The following RNF6 variants were observed in gnomAD, a reference collection of about 807,000 sequenced individuals.
The protein encoded by RNF6 is ring finger protein 6.
A neutral mutation model predicts 50.1 loss-of-function variants in RNF6; 21 were observed. The ratio of observed to expected loss-of-function variants is 0.42; its 90% CI spans 0.30 to 0.60. The LOEUF (loss-of-function observed/expected upper bound fraction) is 0.60, where lower values mean the gene tolerates loss of function less well. RNF6 is among the 20% of genes least tolerant of loss of function. The probability of loss-of-function intolerance (pLI) is 0.20; values close to 1 mark genes in which losing one functional copy is unlikely to be tolerated. For missense variants in RNF6, 698 were observed against 838.2 expected, an observed-to-expected ratio of 0.83 and a Z score of 2.07; for synonymous variants, 255 against 291.8, an observed-to-expected ratio of 0.87 and a Z score of 1.29.
intron 5 of RNF6, among the ~76,000 whole-genome samples, chr13:26,189,108 C>A (rs9553765): frequency 0.23 from 35,573 of 151,970 alleles, 4,607 homozygotes; most frequent in Non-Finnish European, 0.3. Context: ...GCAGGTGGAT[C>A]ACCTGAGGTC....
intron 5 of RNF6, among the ~76,000 whole-genome samples, chr13:26,201,703 C>T (rs1348597197): frequency 6.6e-6 from 1 of 152,186 alleles, no homozygotes; most frequent in African/African-American, 2.4e-5. Context: ...CATACAACTG[C>T]ATATGGGACT....
intron 5 of RNF6, among the ~76,000 whole-genome samples, chr13:26,152,878 G>A (rs1871694464): frequency 6.6e-6 from 1 of 152,188 alleles, no homozygotes; most frequent in South Asian, 2.1e-4. Context: ...GATGTGGCCG[G>A]GCGCGGTGGC....
intron 5 of RNF6, among the ~76,000 whole-genome samples, chr13:26,198,928 T>A (rs1253914141): frequency 6.6e-6 from 1 of 151,918 alleles, no homozygotes; most frequent in Admixed American, 6.6e-5. Context: ...TTTAACAAGA[T>A]GTACAAAACA....
At chr13:26,135,744 G>A (rs1870614906) in intron 5 of RNF6, among the ~76,000 whole-genome samples, 1 of 152,168 alleles carries the variant, frequency 6.6e-6, no homozygotes, top group Non-Finnish European at 1.5e-5. Flanking sequence ...GTTGGTGGTA[G>A]GCCTAGGAGG....
At chr13:26,163,173 G>A (rs1349824733) in intron 5 of RNF6, among the ~76,000 whole-genome samples, 3 of 152,156 alleles carry the variant, frequency 2.0e-5, no homozygotes, top group Admixed American at 2.0e-4. Flanking sequence ...TTAGCCGGGC[G>A]CGGTGGCGGG....
downstream of RNF6, among the ~76,000 whole-genome samples, chr13:26,209,538 T>C (rs1706444133): frequency 1.3e-5 from 2 of 152,192 alleles, no homozygotes; most frequent in Non-Finnish European, 2.9e-5. Flanking sequence ...TGCAGAATGG[T>C]GAGAAGTCAC....
chr13:26,151,409 C>T (rs1424364358), intron 5 of RNF6, among the ~76,000 whole-genome samples: 1 of 152,100 alleles, frequency 6.6e-6, no homozygotes, highest in Non-Finnish European at 1.5e-5. Flanking sequence ...ATTACAGGTG[C>T]ATGCCACCAC....
chr13:26,184,908 C>T (rs1873445359), intron 5 of RNF6, among the ~76,000 whole-genome samples: 1 of 152,158 alleles, frequency 6.6e-6, no homozygotes, highest in Admixed American at 6.5e-5. Context: ...CAGCCCTCTC[C>T]CTACAAACTG....
chr13:26,204,932 T>C (rs1345005106), intron 5 of RNF6, among the ~76,000 whole-genome samples: 1 of 152,204 alleles, frequency 6.6e-6, no homozygotes, highest in African/African-American at 2.4e-5. Flanking sequence ...TCACAGATGC[T>C]ATTAAAATTA....
At chr13:26,204,496 CAA>C (rs71080239) in intron 5 of RNF6, among the ~76,000 whole-genome samples, 738 of 68,868 alleles carry the variant, frequency 0.011, 2 homozygotes, top group African/African-American at 0.031. Flanking sequence ...GACTCCACCT[CAA>C]AAAAAAAAAA....
intron 5 of RNF6, among the ~76,000 whole-genome samples, chr13:26,134,551 G>A (rs935152329): frequency 5.3e-5 from 8 of 151,548 alleles, no homozygotes; most frequent in African/African-American, 1.5e-4. Context: ...TTCTTCTGTC[G>A]AAGCCCCAGA....
intron 5 of RNF6, among the ~76,000 whole-genome samples, chr13:26,168,830 C>T (rs1338900905): frequency 1.3e-5 from 2 of 152,162 alleles, no homozygotes; most frequent in Non-Finnish European, 2.9e-5. Flanking sequence ...AAGCAAGACC[C>T]TATCTCTACA....
chr13:26,206,258 G>A (rs1317034513), intron 5 of RNF6, among the ~76,000 whole-genome samples: 1 of 148,780 alleles, frequency 6.7e-6, no homozygotes, highest in Non-Finnish European at 1.5e-5. Context: ...GTAGATGGAT[G>A]CAGTGAGAGA....
chr13:26,217,702 C>A (rs1871674241), intron 4 of RNF6, among the ~76,000 whole-genome samples: 2 of 152,154 alleles, frequency 1.3e-5, no homozygotes. Context: ...CTATTAAGCA[C>A]CTGAATGTGG....
chr13:26,174,337 T>C (rs1304888189), intron 5 of RNF6, among the ~76,000 whole-genome samples: 1 of 152,068 alleles, frequency 6.6e-6, no homozygotes, highest in Non-Finnish European at 1.5e-5. Flanking sequence ...GTGGGGCAGC[T>C]GCAATACGTA....
At chr13:26,145,057 G>T (rs1871157712) in intron 5 of RNF6, among the ~76,000 whole-genome samples, 1 of 152,164 alleles carries the variant, frequency 6.6e-6, no homozygotes, top group South Asian at 2.1e-4. Context: ...AAGTAGAACA[G>T]TGAAACTGTT....
chr13:26,197,286 G>T (rs1213863369), intron 5 of RNF6, among the ~76,000 whole-genome samples: 1 of 151,898 alleles, frequency 6.6e-6, no homozygotes, highest in Non-Finnish European at 1.5e-5. Context: ...CCCTTTCCTA[G>T]AGTATTTACC....
chr13:26,176,048 G>A (rs1053341899), intron 5 of RNF6, among the ~76,000 whole-genome samples: 6 of 152,116 alleles, frequency 3.9e-5, no homozygotes, highest in African/African-American at 1.4e-4. Flanking sequence ...AGTAAATCTT[G>A]TAGAAAGCTC....
At chr13:26,144,236 A>T (rs1381066567) in intron 5 of RNF6, among the ~76,000 whole-genome samples, 2 of 152,174 alleles carry the variant, frequency 1.3e-5, no homozygotes, top group East Asian at 3.9e-4. Flanking sequence ...CACTTTGTTT[A>T]TGGGCTCAAT....
Sources: gnomAD v4.1 joint callset for allele counts (sites outside exome capture counted in the v4.1 genomes callset) on GRCh38, gnomAD v4.1.1 for gene constraint, MANE v1.5 for transcripts, NCBI Gene and HGNC (gene_info 2026-07-23, HGNC 2026-07-21) for gene names.